The following PCSK6 variants were observed in gnomAD, a reference collection of about 807,000 sequenced individuals.
PCSK6 encodes the protein proprotein convertase subtilisin/kexin type 6.
Under a neutral mutation model 123.3 loss-of-function variants are expected in PCSK6, and 85 were observed. That is an observed-to-expected ratio of 0.69 (90% CI 0.58 to 0.83). PCSK6 has a LOEUF of 0.83. PCSK6 is among the 40% of genes least tolerant of loss of function. The probability of loss-of-function intolerance (pLI) is 0.00; values close to 1 mark genes in which losing one functional copy is unlikely to be tolerated. For synonymous variants in PCSK6, 508 were observed against 516.0 expected, an observed-to-expected ratio of 0.98 and a Z score of 0.21; for missense variants, 1,191 against 1,282.3, an observed-to-expected ratio of 0.93 and a Z score of 1.09.
intron 1 of PCSK6, among the ~76,000 whole-genome samples, chr15:101,465,893 G>C (rs1278765472): frequency 3.9e-5 from 6 of 152,132 alleles, no homozygotes; most frequent in Non-Finnish European, 8.8e-5. Context: ...GAAAACCAGA[G>C]AAGGCAGAAA....
intron 6 of PCSK6, among the ~76,000 whole-genome samples, chr15:101,416,278 T>G (rs2055884378): frequency 6.6e-6 from 1 of 152,230 alleles, no homozygotes; most frequent in African/African-American, 2.4e-5. Context: ...TGGCAGAATT[T>G]TGCCCCTGCC....
At chr15:101,403,904 A>G (rs1040674730) in intron 6 of PCSK6, among the ~76,000 whole-genome samples, 3 of 152,150 alleles carry the variant, frequency 2.0e-5, no homozygotes, top group African/African-American at 7.2e-5. Flanking sequence ...GCTTTTTAGT[A>G]GAAACGGGGT....
rs557419557 is a variant in PCSK6, at chr15:101,486,050, G to A, written c.297+3324C>T. Among the ~76,000 whole-genome samples the A allele has an allele frequency of 8.8e-4, 124 of 140,350 alleles. 1 individual carries two copies. Among genetic ancestry groups the A allele is most frequent in the African/African-American group, 2.9e-3 (108 of 37,362 alleles). 92.1% of individuals were successfully genotyped at this position (140,350 alleles called of 152,430 possible). On this transcript the variant is annotated intron_variant, in intron 1 of 21. Transcript: ENST00000611716. Reference sequence around the variant, plus strand: ...GCGGTCTCGGTTCACTGCAACCTCCGCCTCCCAGGTTCAAGCTATTTTCCT... The same window carrying A: ...GCGGTCTCGGTTCACTGCAACCTCCACCTCCCAGGTTCAAGCTATTTTCCT...
At chr15:101,345,448 AC>A (rs1567154271) in intron 13 of PCSK6, among the ~76,000 whole-genome samples, 1 of 152,216 alleles carries the variant, frequency 6.6e-6, no homozygotes, top group Non-Finnish European at 1.5e-5. Flanking sequence ...ACAAATTGGG[AC>A]TTTTTTAAAA....
intron 5 of PCSK6, among the ~76,000 whole-genome samples, chr15:101,428,609 T>C (rs1414692173): frequency 6.6e-6 from 1 of 152,242 alleles, no homozygotes; most frequent in Admixed American, 6.5e-5. Flanking sequence ...TCCTCAGTAA[T>C]GACCCCATTC....
intron 21 of PCSK6, among the ~76,000 whole-genome samples, chr15:101,306,419 T>C (rs1161020909): frequency 6.6e-6 from 1 of 151,984 alleles, no homozygotes; most frequent in Non-Finnish European, 1.5e-5. Context: ...CTCCATGCTC[T>C]GCCTGGACAG....
rs529761797 is a variant in PCSK6 at position 101,379,000 on chromosome 15, G to A, written c.1532+3092C>T. ...GCCTTTGGGCCTGAGCATGACTCGGGCAGGCGGGGCTGTGATGCCAGCCAC... is the reference window on the plus strand; with the variant it reads ...GCCTTTGGGCCTGAGCATGACTCGGACAGGCGGGGCTGTGATGCCAGCCAC... On this transcript the variant is annotated intron_variant, in intron 11 of 21. Transcript: ENST00000611716. Among the ~76,000 whole-genome samples, 6 of 152,216 alleles carry A rather than the reference G, an allele frequency of 3.9e-5. No individual in the cohort carries two copies. The East Asian group carries it at 9.6e-4, about 24-fold the overall frequency.
chr15:101,347,447 G>T (rs2040764631), intron 13 of PCSK6: 2 of 1,246,278 alleles, frequency 1.6e-6, no homozygotes, highest in Non-Finnish European at 1.0e-6. Context: ...TCACACAGAA[G>T]AGACTAATCT....
chr15:101,450,654 C>A (rs1346467659), intron 1 of PCSK6, among the ~76,000 whole-genome samples: 1 of 152,180 alleles, frequency 6.6e-6, no homozygotes, highest in Non-Finnish European at 1.5e-5. Context: ...ACACAGGTCT[C>A]CCCCCATCCC....
At chr15:101,468,223 T>C (rs192725147) in intron 1 of PCSK6, among the ~76,000 whole-genome samples, 19 of 152,222 alleles carry the variant, frequency 1.2e-4, no homozygotes, top group Admixed American at 4.6e-4. Context: ...AAGTAGTAAA[T>C]GAGATCAAGC....
At chr15:101,392,005 G>C (rs2042246869) in intron 8 of PCSK6, among the ~76,000 whole-genome samples, 1 of 152,228 alleles carries the variant, frequency 6.6e-6, no homozygotes, top group African/African-American at 2.4e-5. Flanking sequence ...GATTCGTAAT[G>C]CAAATAAAGC....
intron 20 of PCSK6, among the ~76,000 whole-genome samples, chr15:101,309,877 C>T (rs1438919433): frequency 2.6e-5 from 4 of 151,776 alleles, no homozygotes; most frequent in African/African-American, 7.3e-5. Flanking sequence ...TTCTCAGCGT[C>T]GGGCCTCGGC....
chr15:101,431,823 G>A (rs2056455788), intron 3 of PCSK6, among the ~76,000 whole-genome samples, 167 bp downstream of exon 3: 1 of 152,194 alleles, frequency 6.6e-6, no homozygotes, highest in Non-Finnish European at 1.5e-5. Context: ...AAATCCACAG[G>A]AAAGCCGGTA....
intron 13 of PCSK6, among the ~76,000 whole-genome samples, chr15:101,343,883 T>C (rs981917147): frequency 1.3e-5 from 2 of 152,006 alleles, no homozygotes; most frequent in African/African-American, 4.8e-5. Context: ...GGATCAGGAG[T>C]TCGAGACCAG....
intron 1 of PCSK6, among the ~76,000 whole-genome samples, chr15:101,482,951 C>T (rs1020773515): frequency 6.6e-5 from 10 of 152,176 alleles, no homozygotes; most frequent in Admixed American, 3.9e-4. Context: ...GAGGGCAGTC[C>T]GGTCAATTAA....
chr15:101,307,545 A>G, intron 20 of PCSK6: 1 of 496,798 alleles, frequency 2.0e-6, no homozygotes, highest in Non-Finnish European at 3.6e-6. Flanking sequence ...GGGCAGAGAC[A>G]GCCATGGCCA....
chr15:101,470,053 A>G (rs2057568147), intron 1 of PCSK6, among the ~76,000 whole-genome samples: 1 of 152,092 alleles, frequency 6.6e-6, no homozygotes, highest in African/African-American at 2.4e-5. Context: ...AGGTGCTTCT[A>G]ACTGCCATTT....
chr15:101,377,133 C>T (rs1023320093), intron 11 of PCSK6, among the ~76,000 whole-genome samples: 8 of 152,256 alleles, frequency 5.3e-5, no homozygotes, highest in Admixed American at 2.0e-4. Context: ...TCCACCAGGC[C>T]GCTGGGCTCC....
chr15:101,314,182 GAGGAGA>G (rs2039935141), intron 19 of PCSK6, among the ~76,000 whole-genome samples: 1 of 152,228 alleles, frequency 6.6e-6, no homozygotes, highest in African/African-American at 2.4e-5. Flanking sequence ...ATAGGGCAGG[GAGGAGA>G]GACTCGAAGA....
Sources: allele counts gnomAD v4.1 joint callset (sites outside exome capture counted in the v4.1 genomes callset), GRCh38; gene constraint gnomAD v4.1.1; transcripts MANE v1.5; gene names NCBI Gene and HGNC (gene_info 2026-07-23, HGNC 2026-07-21).